The following OTOGL variants were observed in gnomAD, a reference collection of about 807,000 sequenced individuals.
OTOGL encodes the protein otogelin-like protein.
OTOGL carries 285 observed loss-of-function variants against 318.5 expected under a neutral mutation model. The observed-to-expected ratio is 0.89, with a 90% CI of 0.81 to 0.99. The LOEUF is 0.99. OTOGL is among the 50% of genes least tolerant of loss of function. OTOGL has a pLI of 0.00. For missense variants in OTOGL, 2,899 were observed against 2,845.6 expected, an observed-to-expected ratio of 1.02 and a Z score of -0.43; for synonymous variants, 987 against 936.5, an observed-to-expected ratio of 1.05 and a Z score of -0.99.
At chr12:80,302,804 A>T (rs764271794) in intron 28 of OTOGL, 21 bp downstream of exon 28, 1 of 1,415,554 alleles carries the variant, frequency 7.1e-7, no homozygotes, top group Non-Finnish European at 9.3e-7. Context: ...CTAAGCTCCA[A>T]ATGAGATGTA....
chr12:80,253,631 A>G (rs770380286), intron 14 of OTOGL, 57 bp downstream of exon 14: 176 of 1,354,106 alleles, frequency 1.3e-4, no homozygotes, highest in Non-Finnish European at 1.8e-4. Flanking sequence ...TGACAACTTT[A>G]CCATGACAGA....
At chr12:80,262,932 G>C (rs1882666696) in intron 19 of OTOGL, among the ~76,000 whole-genome samples, 2 of 151,990 alleles carry the variant, frequency 1.3e-5, no homozygotes, top group Admixed American at 1.3e-4. Context: ...ACTCATATTG[G>C]TTGAGCTTTC....
At chr12:80,317,765 C>G (rs1887064203) in intron 32 of OTOGL, among the ~76,000 whole-genome samples, 1 of 152,098 alleles carries the variant, frequency 6.6e-6, no homozygotes, top group South Asian at 2.1e-4. Flanking sequence ...TGTATTTTGG[C>G]TCATGGAGAA....
intron 1 of OTOGL, among the ~76,000 whole-genome samples, chr12:80,159,878 C>T (rs1018141211): frequency 1.2e-4 from 19 of 152,122 alleles, no homozygotes; most frequent in Admixed American, 3.3e-4. Context: ...ACCAAAACAG[C>T]GTGGTACTTG....
rs199720186 is a variant in OTOGL, at chr12:80,188,547, AT to A, written c.-19-20865del. On this transcript the variant is annotated intron_variant, in intron 1 of 58. Coordinates refer to ENST00000547103, the MANE Select transcript of OTOGL (RefSeq NM_001378609.3). The stretch of plus-strand genomic sequence containing the variant: ...AGTGAGACTCTGTCTCAAAAAAAAA[AT>A]AATAATAATAATAATAAATAAATAT... 8.1e-3 allele frequency among the ~76,000 whole-genome samples: 1,142 copies of A among 140,388 alleles called. 15 individuals are homozygous for A. Among genetic ancestry groups the A allele is most frequent in the African/African-American group, 0.026 (942 of 35,622 alleles). 92.1% of individuals were successfully genotyped at this position (140,388 alleles called of 152,430 possible).
chr12:80,370,774 T>C, intron 56 of OTOGL, 85 bp downstream of exon 56: 4 of 1,028,944 alleles, frequency 3.9e-6, no homozygotes, highest in Non-Finnish European at 5.4e-6. Context: ...CATACTTTCA[T>C]TGTGGCTTAT....
chr12:80,323,685 T>C (rs761289503), intron 34 of OTOGL, 38 bp from the exon 35 acceptor site: 1 of 1,465,540 alleles, frequency 6.8e-7, no homozygotes, highest in South Asian at 1.1e-5. Context: ...AAGCTATGTA[T>C]TAAATATGCA....
At position 80,339,156 on chromosome 12, in the gene OTOGL, A is replaced by G. The variant is rs781670932; in HGVS notation, c.4942A>G (p.Ile1648Val). ...SIEDSGSMYV[I>V]TTPAGLIIKW... The stretch of plus-strand genomic sequence containing the variant: ...AGAGGATTCTGGTTCAATGTATGTA[A>G]TTACTACTCCAGCTGGACTAATCAT... The change falls in exon 43 of 59, where the codon ATT becomes GTT. Residue 1648 changes from isoleucine (I) to valine (V), a missense_variant. Ile to Val is a conservative substitution (Grantham distance 29). Transcript: ENST00000547103. 6.2e-7 allele frequency: 1 copy of G among 1,610,904 alleles called. No individual in the cohort carries two copies. The highest frequency in any genetic ancestry group is 2.2e-5 in the East Asian group (1 of 44,832).
In OTOGL at chr12:80,252,222, C is replaced by A. The variant is rs763149482; in HGVS notation, c.1285+21C>A. The A allele has an allele frequency of 1.0e-5, 16 of 1,591,796 alleles. No individual in the cohort carries two copies. In the Admixed American group the frequency reaches 1.0e-4, roughly 10 times the overall value. Reference sequence around the variant, plus strand: ...AGATGGTAAGTGCTTCATGAAGAAACCATGTCTGCACTCATGGAAACTAGT... The same window carrying A: ...AGATGGTAAGTGCTTCATGAAGAAAACATGTCTGCACTCATGGAAACTAGT... On this transcript the variant is annotated intron_variant, in intron 13 of 58. Coordinates refer to ENST00000547103, the MANE Select transcript of OTOGL (RefSeq NM_001378609.3).
At chr12:80,132,761 A>G (rs1252309580) in intron 1 of OTOGL, 1 of 152,226 alleles carries the variant, frequency 6.6e-6, no homozygotes, top group East Asian at 1.9e-4. Flanking sequence ...TCTGCTGATC[A>G]CTTGGGCCAC....
In OTOGL at chr12:80,178,577, G is replaced by A. The variant is rs560965008; in HGVS notation, c.-19-30836G>A. On this transcript the variant is annotated intron_variant, in intron 1 of 58. Transcript: ENST00000547103. The stretch of plus-strand genomic sequence containing the variant: ...TGTCTCCTTAACTTAGAGAGATTAC[G>A]GGCTATACCTGGGTGCTCTCTCCCT... 5.9e-5 allele frequency among the ~76,000 whole-genome samples: 9 copies of A among 151,968 alleles called. No homozygotes were observed. In the South Asian group the frequency reaches 8.3e-4, roughly 14 times the overall value.
chr12:80,254,834 T>C (rs183224881), intron 15 of OTOGL, among the ~76,000 whole-genome samples: 2 of 152,076 alleles, frequency 1.3e-5, no homozygotes, highest in East Asian at 3.9e-4. Context: ...TTAAATTAAA[T>C]GGGATAATAT....
intron 7 of OTOGL, among the ~76,000 whole-genome samples, chr12:80,227,645 G>A (rs887659912): frequency 7.2e-5 from 11 of 152,062 alleles, no homozygotes; most frequent in Non-Finnish European, 1.0e-4. Flanking sequence ...TTTGTTTCCC[G>A]AAAGAAGAAT....
intron 1 of OTOGL, among the ~76,000 whole-genome samples, chr12:80,119,369 G>T (rs566472495): frequency 6.6e-6 from 1 of 152,298 alleles, no homozygotes; most frequent in South Asian, 2.1e-4. Context: ...TTGTTAGCTG[G>T]TCTCCTTGCC....
chr12:80,330,339 G>A (rs1400853944), intron 37 of OTOGL, among the ~76,000 whole-genome samples: 1 of 152,162 alleles, frequency 6.6e-6, no homozygotes, highest in Admixed American at 6.5e-5. Context: ...AGAGCCCTAC[G>A]AGAGAGGTTT....
intron 30 of OTOGL, among the ~76,000 whole-genome samples, chr12:80,312,378 A>ATATATATATATAT (rs1185354974): frequency 1.1e-4 from 16 of 152,236 alleles, no homozygotes; most frequent in African/African-American, 3.9e-4. Flanking sequence ...ACTATTTCTT[A>ATATATATATATAT]GCATATATAA....
intron 26 of OTOGL, among the ~76,000 whole-genome samples, chr12:80,283,542 TTA>T (rs2137643995): frequency 6.6e-6 from 1 of 152,222 alleles, no homozygotes; most frequent in Non-Finnish European, 1.5e-5. Context: ...GTGTATCATT[TTA>T]TGTCAGAACT....
At chr12:80,307,668 T>A in intron 29 of OTOGL, among the ~76,000 whole-genome samples, 1 of 138,508 alleles carries the variant, frequency 7.2e-6, no homozygotes, top group Admixed American at 7.1e-5. Flanking sequence ...GAGTGGCTCC[T>A]CACTTCCCAG....
intron 29 of OTOGL, among the ~76,000 whole-genome samples, chr12:80,310,253 TGC>T (rs1565974626): frequency 6.6e-6 from 1 of 152,118 alleles, no homozygotes; most frequent in Admixed American, 6.5e-5. Flanking sequence ...GAGACTTGGG[TGC>T]ATATAACCTC....
Sources: gnomAD v4.1 joint callset for allele counts (sites outside exome capture counted in the v4.1 genomes callset) on GRCh38, gnomAD v4.1.1 for gene constraint, MANE v1.5 for transcripts, NCBI Gene and HGNC (gene_info 2026-07-23, HGNC 2026-07-21) for gene names.